Variants in GNB5 observed in about 807,000 individuals in gnomAD.
The protein encoded by GNB5 is guanine nucleotide-binding protein subunit beta-5.
A neutral mutation model predicts 55.3 loss-of-function variants in GNB5; 37 were observed. The observed-to-expected ratio is 0.67, with a 90% confidence interval of 0.51 to 0.88. GNB5 has a LOEUF of 0.88. Among genes scored for constraint, GNB5 ranks in the 40% least tolerant of loss-of-function variants. The probability of loss-of-function intolerance (pLI) is 0.00; values close to 1 mark genes in which losing one functional copy is unlikely to be tolerated. For synonymous variants in GNB5, 219 were observed against 198.5 expected, an observed-to-expected ratio of 1.10 and a Z score of -0.87; for missense variants, 476 against 515.3, an observed-to-expected ratio of 0.92 and a Z score of 0.74.
chr15:52,149,763 G>A (rs1227394068), intron 5 of GNB5, 121 bp downstream of exon 5: 2 of 759,194 alleles, frequency 2.6e-6, no homozygotes, highest in Non-Finnish European at 4.8e-6. Context: ...ATCCGTAGAG[G>A]CAACTGCTTG....
chr15:52,122,840 T>TA, intron 12 of GNB5, 72 bp from the exon 13 acceptor site: 2 of 1,148,892 alleles, frequency 1.7e-6, no homozygotes, highest in Non-Finnish European at 2.6e-6. Flanking sequence ...CTTAAAGAGA[T>TA]AAAATTAGTC....
intron 1 of GNB5, among the ~76,000 whole-genome samples, chr15:52,190,105 A>G (rs1416663237): frequency 7.0e-6 from 1 of 141,920 alleles, no homozygotes; most frequent in Non-Finnish European, 1.5e-5. Context: ...CGTGGACATC[A>G]TATCTCAATA....
At chr15:52,184,453 G>A (rs1192102582) in intron 2 of GNB5, 98 bp downstream of exon 2, 2 of 1,020,590 alleles carry the variant, frequency 2.0e-6, no homozygotes, top group Non-Finnish European at 3.0e-6. Flanking sequence ...TGAAAAGTGT[G>A]TGTTATATAA....
intron 8 of GNB5, among the ~76,000 whole-genome samples, chr15:52,134,486 T>C (rs762821316): frequency 2.6e-5 from 4 of 152,186 alleles, no homozygotes; most frequent in South Asian, 2.1e-4. Flanking sequence ...GGACACTCAA[T>C]TGGATGCAGT....
chr15:52,128,873 A>C (rs906249170), intron 9 of GNB5: 1 of 398,948 alleles, frequency 2.5e-6, no homozygotes, highest in Admixed American at 2.7e-5. Flanking sequence ...TATAAGCCAG[A>C]GGCAGAATGA....
At chr15:52,139,811 AC>A in intron 7 of GNB5, 1 of 1,251,494 alleles carries the variant, frequency 8.0e-7, no homozygotes, top group Non-Finnish European at 1.0e-6. Flanking sequence ...GCACTTTCTC[AC>A]CTACTGGTGC....
intron 3 of GNB5, 69 bp downstream of exon 3, chr15:52,179,699 C>A: frequency 1.0e-6 from 1 of 990,804 alleles, no homozygotes; most frequent in Non-Finnish European, 1.3e-6. Flanking sequence ...CCCACCGCCC[C>A]CGCCGTCCCC....
chr15:52,179,503 C>G (rs75358009), intron 3 of GNB5, among the ~76,000 whole-genome samples: 1 of 152,034 alleles, frequency 6.6e-6, no homozygotes, highest in South Asian at 2.1e-4. Flanking sequence ...ATGAGGATAG[C>G]TAGTCCCGCG....
chr15:52,172,605 C>T (rs1398798876), intron 3 of GNB5, among the ~76,000 whole-genome samples: 2 of 151,924 alleles, frequency 1.3e-5, no homozygotes, highest in Non-Finnish European at 2.9e-5. Flanking sequence ...CATGGAGAAA[C>T]CTCGTCTCTA....
intron 6 of GNB5, among the ~76,000 whole-genome samples, chr15:52,146,736 A>ATTTTTTTTT (rs60737688): frequency 9.0e-6 from 1 of 110,918 alleles, no homozygotes; most frequent in African/African-American, 3.2e-5. Flanking sequence ...AGCTAATTAG[A>ATTTTTTTTT]TTTTTTTTTT....
intron 7 of GNB5, among the ~76,000 whole-genome samples, chr15:52,136,672 G>A (rs77017765): frequency 0.027 from 4,121 of 152,256 alleles, 177 homozygotes; most frequent in African/African-American, 0.094. Flanking sequence ...GGATATTCAC[G>A]CATACACAGG....
chr15:52,115,627 C>T lies in GNB5; in HGVS notation c.*7130G>A, dbSNP rs1007978870. 4 of 152,350 alleles carry T rather than the reference C, an allele frequency of 2.6e-5. No homozygotes were observed. Among genetic ancestry groups the T allele is most frequent in the South Asian group, 2.1e-4 (1 of 4,826 alleles). 9.4% of individuals were successfully genotyped at this position (152,350 alleles called of 1,614,324 possible). ...CCAAAATGTGACAATATTGGTCTTA[C>T]CTATGTGGTTTCTGTTTTATTGAGA... On this transcript the variant is annotated 3_prime_UTR_variant, in exon 13 of 13. Coordinates refer to ENST00000261837, the MANE Select transcript of GNB5 (RefSeq NM_016194.4).
In GNB5 at chr15:52,168,350, T is replaced by G. The variant is rs148618382; in HGVS notation, c.238+11418A>C. 5.5e-3 allele frequency among the ~76,000 whole-genome samples: 840 copies of G among 152,188 alleles called. 4 individuals carry two copies. The highest frequency in any genetic ancestry group is 7.7e-3 in the Non-Finnish European group (522 of 67,956). ...CAAAAATCACTAGAGAGCCAAATCA[T>G]GAGTGAACTCCCATTCATAATTGCT... is the stretch of plus-strand genomic sequence containing the variant. On this transcript the variant is annotated intron_variant, in intron 3 of 12. Transcript: ENST00000261837.
intron 3 of GNB5, among the ~76,000 whole-genome samples, chr15:52,159,475 C>T (rs1344983048): frequency 6.6e-6 from 1 of 152,190 alleles, no homozygotes; most frequent in African/African-American, 2.4e-5. Flanking sequence ...TGTTCTCCTT[C>T]CCATGTCCAG....
rs534742776 is a variant in GNB5, at chr15:52,189,079, A to T, written c.-19+2243T>A. ...AACCAACTTCCGTGTTTGGATACAT[A>T]GGGTATATCCAGTTTTTACTTTTAA... is the stretch of plus-strand genomic sequence containing the variant. On this transcript the variant is annotated intron_variant, in intron 1 of 12. Coordinates refer to ENST00000261837, the MANE Select transcript of GNB5 (RefSeq NM_016194.4). 2.0e-5 allele frequency among the ~76,000 whole-genome samples: 3 copies of T among 152,374 alleles called. No homozygotes were observed. In the East Asian group the frequency reaches 5.8e-4, roughly 29 times the overall value.
intron 6 of GNB5, among the ~76,000 whole-genome samples, 174 bp from the exon 7 acceptor site, chr15:52,141,446 T>A (rs1566937615): frequency 1.3e-5 from 2 of 151,488 alleles, no homozygotes; most frequent in South Asian, 2.1e-4. Context: ...TTTTTTTTTT[T>A]AAATAGAGAC....
intron 3 of GNB5, among the ~76,000 whole-genome samples, chr15:52,167,827 A>G (rs966199415): frequency 3.9e-5 from 6 of 152,136 alleles, no homozygotes; most frequent in African/African-American, 1.2e-4. Flanking sequence ...ATTCATCCCC[A>G]GGATGCAACA....
At chr15:52,132,680 C>T (rs1251216056) in intron 9 of GNB5, among the ~76,000 whole-genome samples, 4 of 147,554 alleles carry the variant, frequency 2.7e-5, no homozygotes, top group African/African-American at 5.1e-5. Context: ...GCCATGTTGC[C>T]TAGCCTTGTC....
intron 1 of GNB5, among the ~76,000 whole-genome samples, chr15:52,186,540 C>A (rs1404870546): frequency 1.3e-5 from 2 of 151,932 alleles, no homozygotes; most frequent in Non-Finnish European, 2.9e-5. Flanking sequence ...TTTGGGAGAC[C>A]GAGGGGTTAT....
Sources: gnomAD v4.1 joint callset for allele counts (sites outside exome capture counted in the v4.1 genomes callset) on GRCh38, gnomAD v4.1.1 for gene constraint, MANE v1.5 for transcripts, NCBI Gene and HGNC (gene_info 2026-07-23, HGNC 2026-07-21) for gene names.